Variants in TRNT1 observed in about 807,000 individuals in gnomAD.
TRNT1 encodes tRNA nucleotidyl transferase 1, also known as CCA tRNA nucleotidyltransferase 1, mitochondrial.
A neutral mutation model predicts 45.6 loss-of-function variants in TRNT1; 44 were observed. The observed-to-expected ratio is 0.97, with a 90% CI of 0.76 to 1.24. The LOEUF (loss-of-function observed/expected upper bound fraction) is 1.24. Among genes scored for constraint, TRNT1 ranks in the 50% most tolerant of loss-of-function variants. The probability of loss-of-function intolerance (pLI) is 0.00; values close to 1 mark genes in which losing one functional copy is unlikely to be tolerated. For synonymous variants in TRNT1, 201 were observed against 171.4 expected (o/e 1.17, Z -1.35); for missense variants, 633 against 504.4 (o/e 1.25, Z -2.44).
intron 2 of TRNT1, chr3:3,130,089 G>T: frequency 1.0e-6 from 1 of 967,812 alleles, no homozygotes; most frequent in South Asian, 1.6e-5. Flanking sequence ...GTTGTCTGCT[G>T]ATGTTGCTAA....
intron 6 of TRNT1, among the ~76,000 whole-genome samples, chr3:3,147,180 T>TTGTGA (rs1311649475): frequency 6.6e-6 from 1 of 152,294 alleles, no homozygotes; most frequent in East Asian, 1.9e-4. Flanking sequence ...AGAGTATGCC[T>TTGTGA]TGTGAGTCTG....
In TRNT1 at chr3:3,137,436, G is replaced by A. The variant is rs765959111; in HGVS notation, c.325G>A (p.Gly109Arg). The A allele has an allele frequency of 5.0e-6, 8 of 1,609,674 alleles. No homozygotes were observed. The highest frequency in any genetic ancestry group is 1.7e-5 in the Admixed American group (1 of 59,112). The change falls in exon 3 of 8, where the codon GGA becomes AGA. Residue 109 changes from glycine (G) to arginine (R), a missense_variant. Gly to Arg is a moderately radical substitution (Grantham distance 125, BLOSUM62 -2). Transcript: ENST00000251607. ...RMINNRGEKH[G>R]TITARLHEEN... Reference sequence around the variant, plus strand: ...GATAAACAACAGAGGAGAAAAGCACGGAACAATTACTGCCAGGGTGAGTCA... The same window carrying A: ...GATAAACAACAGAGGAGAAAAGCACAGAACAATTACTGCCAGGGTGAGTCA...
intron 2 of TRNT1, chr3:3,130,351 A>G (rs1391417628): frequency 1.1e-5 from 2 of 181,934 alleles, no homozygotes; most frequent in Non-Finnish European, 2.4e-5. Context: ...AGATAGACGA[A>G]CCATTACTTT....
Position 3,128,948 on chromosome 3 carries a change from C to T in TRNT1, c.-27-66C>T. The T allele has an allele frequency of 3.4e-6, 4 of 1,180,866 alleles. 1 individual carries two copies. The South Asian group carries it at 5.1e-5, about 15-fold the overall frequency. 73.1% of individuals were successfully genotyped at this position (1,180,866 alleles called of 1,614,324 possible). On this transcript the variant is annotated intron_variant, in intron 1 of 7. Coordinates refer to ENST00000251607, the MANE Select transcript of TRNT1 (RefSeq NM_182916.3). The stretch of plus-strand genomic sequence containing the variant: ...AGTTGATAAACTTGAAATGTGTCCC[C>T]CTTTGTTTTCCTTCACTTACCTTCA...
intron 2 of TRNT1, among the ~76,000 whole-genome samples, chr3:3,136,364 T>C (rs1158257157): frequency 6.6e-6 from 1 of 152,176 alleles, no homozygotes; most frequent in Non-Finnish European, 1.5e-5. Context: ...CCTCTACATA[T>C]AGAGGAGTCA....
intron 2 of TRNT1, chr3:3,131,775 C>A (rs1413627049): frequency 1.9e-4 from 14 of 73,100 alleles, no homozygotes; most frequent in African/African-American, 5.6e-4. Context: ...TTTTCGCAAC[C>A]TACTCATCTG....
rs1408312728 is a variant in TRNT1, at chr3:3,137,445, A to G, written c.334A>G (p.Thr112Ala). 3.7e-6 allele frequency: 6 copies of G among 1,603,548 alleles called. No individual in the cohort carries two copies. The African/African-American group carries it at 8.1e-5, about 22-fold the overall frequency. Residue 112 changes from threonine (T) to alanine (A), a missense_variant, in exon 3 of 8, where the codon ACT becomes GCT. By Grantham distance (58) the Thr-to-Ala change is moderately conservative (BLOSUM62 0). Coordinates refer to ENST00000251607, the MANE Select transcript of TRNT1 (RefSeq NM_182916.3). ...CAGAGGAGAAAAGCACGGAACAATT[A>G]CTGCCAGGGTGAGTCAAAAGTTTGA... ...NNRGEKHGTI[T>A]ARLHEENFEI...
chr3:3,140,417 TC>T (rs1321547305), intron 3 of TRNT1, 92 bp from the exon 4 acceptor site: 1 of 1,264,452 alleles, frequency 7.9e-7, no homozygotes, highest in African/African-American at 1.5e-5. Flanking sequence ...TATAGTACCA[TC>T]CCTTTATAAA....
At chr3:3,141,940 G>A (rs1705681124) in intron 4 of TRNT1, among the ~76,000 whole-genome samples, 1 of 152,158 alleles carries the variant, frequency 6.6e-6, no homozygotes, top group South Asian at 2.1e-4. Context: ...ACTTCATAAA[G>A]TATGTTAAGC....
intron 2 of TRNT1, chr3:3,136,658 CT>C (rs56033417): frequency 0.39 from 145,545 of 369,190 alleles, 10,817 homozygotes; most frequent in Non-Finnish European, 0.46. Context: ...CTTTTTTTTT[CT>C]TTTTTTTTTT....
At chr3:3,135,914 T>G (rs546238058) in intron 2 of TRNT1, among the ~76,000 whole-genome samples, 20 of 152,300 alleles carry the variant, frequency 1.3e-4, no homozygotes, top group African/African-American at 4.3e-4. Flanking sequence ...TAAGAGGGCT[T>G]TAGAAATGAC....
chr3:3,147,467 A>C lies in TRNT1; in HGVS notation c.820A>C (p.Ser274Arg), dbSNP rs1446360172. Residue 274 changes from serine (S) to arginine (R), a missense_variant, in exon 7 of 8, where the codon AGT becomes CGT. Physicochemically the swap from Ser to Arg is moderately radical, Grantham distance 110. Coordinates refer to ENST00000251607, the MANE Select transcript of TRNT1 (RefSeq NM_182916.3). ...CCCTACAGGTTTACCTGCTAATGCA[A>C]GTTTAGAAGAATTTGACAAAGTCAG... is the stretch of plus-strand genomic sequence containing the variant. ...APYIGLPANA[S>R]LEEFDKVSKN... The C allele has an allele frequency of 1.9e-6, 3 of 1,613,470 alleles. No individual in the cohort carries two copies. In the African/African-American group the frequency reaches 4.0e-5, roughly 22 times the overall value.
Position 3,144,519 on chromosome 3 carries a change from TTTC to T in TRNT1, c.482-62_482-60del, listed in dbSNP as rs1359122606. The T allele has an allele frequency of 2.9e-5, 43 of 1,463,924 alleles. No homozygotes were observed. The Admixed American group carries it at 4.0e-4, about 14-fold the overall frequency. 90.7% of individuals were successfully genotyped at this position (1,463,924 alleles called of 1,614,324 possible). On this transcript the variant is annotated intron_variant, in intron 4 of 7. Coordinates refer to ENST00000251607, the MANE Select transcript of TRNT1 (RefSeq NM_182916.3). Reference sequence around the variant, plus strand: ...CTGTTTGTGATAGTGTTTAGCTGATTTTCTTGTGTTTTCAAATTCTTATTTGCC... The same window carrying T: ...CTGTTTGTGATAGTGTTTAGCTGATTTTGTGTTTTCAAATTCTTATTTGCC...
chr3:3,132,480 A>G (rs1705057606), intron 2 of TRNT1, among the ~76,000 whole-genome samples: 2 of 44,138 alleles, frequency 4.5e-5, no homozygotes, highest in African/African-American at 6.7e-5. Flanking sequence ...GGAATTGAAC[A>G]ATGAGATCAC....
downstream of TRNT1, chr3:3,150,892 A>G: frequency 6.2e-7 from 1 of 1,613,864 alleles, no homozygotes; most frequent in Non-Finnish European, 8.5e-7. Context: ...CTTTGTCTGG[A>G]CTTATTTCAT....
chr3:3,152,178 TCTCA>T (rs1706607433), downstream of TRNT1, among the ~76,000 whole-genome samples: 1 of 149,586 alleles, frequency 6.7e-6, no homozygotes, highest in Non-Finnish European at 1.5e-5. Flanking sequence ...ATAGACAGAT[TCTCA>T]CTCTGTCACC....
downstream of TRNT1, chr3:3,152,678 T>C: frequency 1.4e-6 from 2 of 1,456,186 alleles, no homozygotes; most frequent in Non-Finnish European, 1.9e-6. Context: ...CACCAAGAAA[T>C]GAGGTATGAG....
At chr3:3,140,715 A>C (rs558778213) in intron 4 of TRNT1, 67 bp downstream of exon 4, 13 of 1,541,142 alleles carry the variant, frequency 8.4e-6, no homozygotes, top group Admixed American at 3.8e-5. Flanking sequence ...TAAAACCTAC[A>C]TTCTGGAAAT....
intron 4 of TRNT1, 44 bp from the exon 5 acceptor site, chr3:3,144,540 T>A (rs899967777): frequency 2.6e-6 from 4 of 1,540,548 alleles, no homozygotes; most frequent in Non-Finnish European, 3.5e-6. Context: ...TTCAAATTCT[T>A]ATTTGCCAAT....
Sources: gnomAD v4.1 joint callset for allele counts (sites outside exome capture counted in the v4.1 genomes callset) on GRCh38, gnomAD v4.1.1 for gene constraint, MANE v1.5 for transcripts, NCBI Gene and HGNC (gene_info 2026-07-23, HGNC 2026-07-21) for gene names.